CRACD: variants seen among roughly 807,000 people sequenced by gnomAD.
CRACD encodes capping protein-inhibiting regulator of actin dynamics.
In CRACD, 56 loss-of-function variants were observed where a neutral mutation model predicts 106.8. The ratio of observed to expected loss-of-function variants is 0.52; its 90% CI spans 0.42 to 0.66. CRACD has a LOEUF of 0.66. Ranked by LOEUF, CRACD falls within the 30% of genes least tolerant of loss-of-function variation. CRACD has a pLI of 0.00. For missense variants in CRACD, 1,730 were observed against 1,623.2 expected, an observed-to-expected ratio of 1.07 and a Z score of -1.13; for synonymous variants, 754 against 670.8, an observed-to-expected ratio of 1.12 and a Z score of -1.92.
chr4:56,201,458 G>A (rs1737875635), intron 2 of CRACD, among the ~76,000 whole-genome samples: 1 of 152,114 alleles, frequency 6.6e-6, no homozygotes, highest in East Asian at 1.9e-4. Flanking sequence ...CTTAAACTGA[G>A]GGCAAACTTG....
chr4:56,317,305 A>G (rs888665245), intron 8 of CRACD, among the ~76,000 whole-genome samples: 3 of 152,192 alleles, frequency 2.0e-5, no homozygotes, highest in African/African-American at 7.2e-5. Context: ...TTCATTAATT[A>G]GAGGCTGGTG....
At chr4:56,275,426 C>T (rs1157438242) in intron 3 of CRACD, among the ~76,000 whole-genome samples, 1 of 151,912 alleles carries the variant, frequency 6.6e-6, no homozygotes, top group African/African-American at 2.4e-5. Flanking sequence ...TGAATAGCTA[C>T]TGCACTCTAG....
chr4:56,317,098 G>C (rs753415401), intron 8 of CRACD, among the ~76,000 whole-genome samples: 10 of 152,220 alleles, frequency 6.6e-5, no homozygotes, highest in Non-Finnish European at 1.3e-4. Flanking sequence ...GGAACCAGAT[G>C]CCTATGTTAG....
At chr4:56,180,489 AAAATAAATAAATAAAT>A (rs199914728) in intron 2 of CRACD, among the ~76,000 whole-genome samples, 10,180 of 146,288 alleles carry the variant, frequency 0.07, 1,011 homozygotes, top group East Asian at 0.41. Flanking sequence ...ACTCCATCTC[AAAATAAATAAATAAAT>A]AAATAAATAA....
intron 1 of CRACD, among the ~76,000 whole-genome samples, chr4:56,136,942 T>C (rs2109872067): frequency 6.6e-6 from 1 of 152,352 alleles, no homozygotes; most frequent in East Asian, 1.9e-4. Context: ...GTGTGATGTA[T>C]GGATTGAGCA....
At chr4:56,130,878 C>T (rs1403818229) in intron 1 of CRACD, among the ~76,000 whole-genome samples, 1 of 152,160 alleles carries the variant, frequency 6.6e-6, no homozygotes, top group Non-Finnish European at 1.5e-5. Context: ...TCTCCATCTC[C>T]CTCTCCCTCT....
intron 1 of CRACD, among the ~76,000 whole-genome samples, chr4:56,155,960 A>G (rs62308644): frequency 0.065 from 9,858 of 152,088 alleles, 697 homozygotes; most frequent in East Asian, 0.39. Context: ...GTTTTGGTTC[A>G]AATATTTATT....
At chr4:56,174,433 T>C (rs1337890671) in intron 1 of CRACD, among the ~76,000 whole-genome samples, 1 of 152,154 alleles carries the variant, frequency 6.6e-6, no homozygotes, top group Non-Finnish European at 1.5e-5. Flanking sequence ...CTCCTCGTCA[T>C]CCCCCTCTCC....
At chr4:56,078,617 T>C (rs755938346) in intron 1 of CRACD, among the ~76,000 whole-genome samples, 1 of 152,202 alleles carries the variant, frequency 6.6e-6, no homozygotes, top group Non-Finnish European at 1.5e-5. Context: ...GGTCTCACTC[T>C]GTTGCCCAGG....
At chr4:56,318,602 C>A (rs558610847) in intron 8 of CRACD, among the ~76,000 whole-genome samples, 1 of 152,338 alleles carries the variant, frequency 6.6e-6, no homozygotes, top group East Asian at 1.9e-4. Flanking sequence ...TCCCTGTTTT[C>A]TTTCCCAGTG....
chr4:56,183,187 T>G (rs1002970960), intron 2 of CRACD, among the ~76,000 whole-genome samples: 22 of 149,958 alleles, frequency 1.5e-4, no homozygotes, highest in African/African-American at 4.7e-4. Context: ...GAGCCAAGAT[T>G]GCGCCGTTGC....
chr4:56,169,554 G>T (rs1210723469), intron 1 of CRACD, among the ~76,000 whole-genome samples: 1 of 152,124 alleles, frequency 6.6e-6, no homozygotes, highest in Non-Finnish European at 1.5e-5. Context: ...CTGGAGTGCA[G>T]TGGTGCTATC....
chr4:56,064,039 C>A (rs1241358663), intron 1 of CRACD, among the ~76,000 whole-genome samples: 1 of 152,202 alleles, frequency 6.6e-6, no homozygotes, highest in Non-Finnish European at 1.5e-5. Context: ...TAATAGCCAT[C>A]CTAATGGATG....
intron 1 of CRACD, among the ~76,000 whole-genome samples, chr4:56,142,836 AC>A (rs1735252411): frequency 6.6e-6 from 1 of 152,074 alleles, no homozygotes; most frequent in South Asian, 2.1e-4. Context: ...AAATTCCTAC[AC>A]TAAATCTCAA....
chr4:56,268,754 GT>G (rs1399636016), intron 2 of CRACD, among the ~76,000 whole-genome samples: 1 of 152,122 alleles, frequency 6.6e-6, no homozygotes, highest in Non-Finnish European at 1.5e-5. Context: ...CTTACAGAAT[GT>G]TTTTACATTT....
intron 1 of CRACD, among the ~76,000 whole-genome samples, chr4:56,112,502 G>A (rs1050948752): frequency 1.4e-5 from 2 of 144,808 alleles, no homozygotes; most frequent in African/African-American, 2.7e-5. Flanking sequence ...TGGGATCAGC[G>A]GAAAGGAATG....
intron 8 of CRACD, among the ~76,000 whole-genome samples, chr4:56,320,320 A>G (rs925767846): frequency 6.6e-6 from 1 of 152,160 alleles, no homozygotes; most frequent in Non-Finnish European, 1.5e-5. Context: ...TTGAGGAGGC[A>G]ACTCAGGTGG....
intron 8 of CRACD, among the ~76,000 whole-genome samples, chr4:56,319,170 A>G (rs1428715665): frequency 6.6e-6 from 1 of 152,188 alleles, no homozygotes; most frequent in East Asian, 1.9e-4. Context: ...ACCACTGAGA[A>G]CAAAAAGCAC....
intron 3 of CRACD, among the ~76,000 whole-genome samples, chr4:56,274,143 A>G (rs1742529816): frequency 6.6e-6 from 1 of 152,236 alleles, no homozygotes; most frequent in South Asian, 2.1e-4. Flanking sequence ...CTGAAAGGAG[A>G]GCACAGCTAG....
Sources: gnomAD v4.1 joint callset for allele counts (sites outside exome capture counted in the v4.1 genomes callset) on GRCh38, gnomAD v4.1.1 for gene constraint, MANE v1.5 for transcripts, NCBI Gene and HGNC (gene_info 2026-07-23, HGNC 2026-07-21) for gene names.